DEF6: variants seen among roughly 807,000 people sequenced by gnomAD.
DEF6 encodes differentially expressed in FDCP 6 homolog.
DEF6 carries 32 observed loss-of-function variants against 80.5 expected under a neutral mutation model. The observed-to-expected ratio is 0.40, with a 90% CI of 0.30 to 0.53. The LOEUF is 0.53. Among genes scored for constraint, DEF6 ranks in the 20% least tolerant of loss-of-function variants. The probability of loss-of-function intolerance (pLI) is 0.57; values close to 1 mark genes in which losing one functional copy is unlikely to be tolerated. For synonymous variants in DEF6, 300 were observed against 337.9 expected (o/e 0.89, Z 1.23); for missense variants, 575 against 818.7 (o/e 0.70, Z 3.63).
At chr6:35,299,771 G>A (rs9469982) in intron 1 of DEF6, among the ~76,000 whole-genome samples, 102,604 of 151,800 alleles carry the variant, frequency 0.68, 37,842 homozygotes, top group Non-Finnish European at 0.82. Flanking sequence ...TGGGCTAACA[G>A]TGGGAGTCTC....
At chr6:35,302,093 G>A (rs1408249976) in intron 1 of DEF6, among the ~76,000 whole-genome samples, 1 of 152,006 alleles carries the variant, frequency 6.6e-6, no homozygotes, top group Non-Finnish European at 1.5e-5. Flanking sequence ...TGGGCAAGGT[G>A]GCTCACATCT....
At chr6:35,308,732 A>AAAAT (rs1791425565) in intron 1 of DEF6, among the ~76,000 whole-genome samples, 1 of 143,918 alleles carries the variant, frequency 6.9e-6, no homozygotes, top group African/African-American at 2.6e-5. Context: ...TAAAATAAAT[A>AAAAT]AAATAATAAA....
intron 5 of DEF6, 105 bp from the exon 6 acceptor site, chr6:35,317,786 G>A (rs1454088211): frequency 5.3e-6 from 5 of 950,210 alleles, no homozygotes; most frequent in Non-Finnish European, 7.7e-6. Context: ...GGTCCCCAGG[G>A]AAGATAGCCA....
intron 9 of DEF6, 69 bp downstream of exon 9, chr6:35,320,086 A>C: frequency 2.7e-6 from 4 of 1,476,680 alleles, no homozygotes; most frequent in Non-Finnish European, 3.7e-6. Flanking sequence ...CTCTGGAGCC[A>C]GGCTGCCTTC....
chr6:35,298,082 G>T, intron 1 of DEF6, 130 bp downstream of exon 1: 1 of 825,178 alleles, frequency 1.2e-6, no homozygotes, highest in Non-Finnish European at 1.9e-6. Flanking sequence ...GCCTGGGGTC[G>T]GGGGGCTGGT....
chr6:35,321,368 C>T lies in DEF6; in HGVS notation c.1854C>T (p.Ser618=), dbSNP rs1426015545. The T allele has an allele frequency of 3.1e-6, 5 of 1,613,992 alleles. No individual in the cohort carries two copies. In the African/African-American group the frequency reaches 5.3e-5, roughly 17 times the overall value. Residue 618 remains serine, a synonymous_variant, in exon 11 of 11, where the codon TCC becomes TCT. Coordinates refer to ENST00000316637, the MANE Select transcript of DEF6 (RefSeq NM_022047.4). ...GGGATGAGGCTCCTGCCCCGGCTTC[C>T]ACCCCTCAGGAAGATAAACTGGATC... ...NGGDEAPAPA[S]TPQEDKLDPA... is the part of the protein sequence containing the mutation.
At chr6:35,304,590 A>G (rs1417416486) in intron 1 of DEF6, among the ~76,000 whole-genome samples, 1 of 152,232 alleles carries the variant, frequency 6.6e-6, no homozygotes, top group Non-Finnish European at 1.5e-5. Flanking sequence ...GCCAGGTCAC[A>G]TGGGGCCTGG....
At chr6:35,315,295 A>T (rs1039449627) in intron 5 of DEF6, among the ~76,000 whole-genome samples, 2 of 151,974 alleles carry the variant, frequency 1.3e-5, no homozygotes, top group African/African-American at 4.8e-5. Context: ...GGCTCATGGG[A>T]TCCTCCTGCT....
At chr6:35,303,179 C>T (rs1168282187) in intron 1 of DEF6, among the ~76,000 whole-genome samples, 2 of 152,142 alleles carry the variant, frequency 1.3e-5, no homozygotes, top group Admixed American at 6.5e-5. Flanking sequence ...TCTGACAGCA[C>T]GCGGGGGTCA....
intron 1 of DEF6, among the ~76,000 whole-genome samples, chr6:35,303,133 G>T (rs1227578747): frequency 6.6e-6 from 1 of 152,130 alleles, no homozygotes; most frequent in African/African-American, 2.4e-5. Flanking sequence ...GAGAGGCCCT[G>T]AGTGTCTGGG....
Position 35,319,441 on chromosome 6 carries a change from A to C in DEF6, c.1216-83A>C, listed in dbSNP as rs1021346198. ...CCAGACCCTCACCCCTAGGCAGCTT[A>C]GCAACATGCCCACCCCCTCCTCCTC... On this transcript the variant is annotated intron_variant, in intron 7 of 10. Coordinates refer to ENST00000316637, the MANE Select transcript of DEF6 (RefSeq NM_022047.4). This position sits in a 1 kb window ranked among gnomAD's most constrained non-coding sequence, Gnocchi z 4.5. 2 of 1,044,644 alleles carry C rather than the reference A, an allele frequency of 1.9e-6. No homozygotes were observed. Among genetic ancestry groups the C allele is most frequent in the Non-Finnish European group, 2.8e-6 (2 of 708,982 alleles). The allele number at this position is 1,044,644 out of a possible 1,614,324, so 64.7% of individuals were successfully genotyped here.
chr6:35,308,672 C>CAAAATAAAATAAAAT (rs36231574), intron 1 of DEF6, among the ~76,000 whole-genome samples: 1,385 of 115,706 alleles, frequency 0.012, 8 homozygotes, highest in Non-Finnish European at 0.016. Flanking sequence ...GACTCCGTCT[C>CAAAATAAAATAAAAT]AAAATAAAAT....
chr6:35,315,838 T>G (rs1291604149), intron 5 of DEF6, among the ~76,000 whole-genome samples: 1 of 150,912 alleles, frequency 6.6e-6, no homozygotes, highest in East Asian at 1.9e-4. Context: ...CGGTTTTTTG[T>G]TGGAGTCCCT....
At chr6:35,302,893 T>C (rs1791333799) in intron 1 of DEF6, among the ~76,000 whole-genome samples, 1 of 152,106 alleles carries the variant, frequency 6.6e-6, no homozygotes, top group Non-Finnish European at 1.5e-5. Context: ...ACGCTTCCTC[T>C]CTCTGAGCCT....
At position 35,321,322 on chromosome 6, in the gene DEF6, A is replaced by G. The variant is rs1400386936; in HGVS notation, c.1808A>G (p.Gln603Arg). The G allele has an allele frequency of 6.2e-7, 1 of 1,614,114 alleles. No individual in the cohort carries two copies. The highest frequency in any genetic ancestry group is 1.7e-5 in the Admixed American group (1 of 60,018). The change falls in exon 11 of 11, where the codon CAG (glutamine) becomes CGG (arginine). Residue 603 changes from glutamine (Q) to arginine (R), a missense_variant. Gln to Arg is a conservative substitution (Grantham distance 43, BLOSUM62 1). Transcript: ENST00000316637. ...NRTPSPNSNE[Q>R]QKSLNGGDEA... ...ACCCCCTCGCCCAACAGCAATGAGC[A>G]GCAGAAGTCCCTCAATGGTGGGGAT...
chr6:35,299,934 G>A lies in DEF6; in HGVS notation c.96+1982G>A, dbSNP rs185196215. On this transcript the variant is annotated intron_variant, in intron 1 of 10. Coordinates refer to ENST00000316637, the MANE Select transcript of DEF6 (RefSeq NM_022047.4). Reference sequence around the variant, plus strand: ...GAGAAGTGGTCAAAAGGCAAAGGAGGAAGCAGACGAGAGAGTTATACAAGC... The same window carrying A: ...GAGAAGTGGTCAAAAGGCAAAGGAGAAAGCAGACGAGAGAGTTATACAAGC... Among the ~76,000 whole-genome samples the A allele has an allele frequency of 5.7e-3, 869 of 152,136 alleles. 12 individuals carry two copies. Among genetic ancestry groups the A allele is most frequent in the Non-Finnish European group, 4.5e-3 (306 of 67,994 alleles).
At chr6:35,310,376 A>G in intron 2 of DEF6, 83 bp from the exon 3 acceptor site, 1 of 1,497,190 alleles carries the variant, frequency 6.7e-7, no homozygotes, top group Non-Finnish European at 9.2e-7. Context: ...AGGGGCATAG[A>G]TGAACCCAAG....
chr6:35,319,581 C>T lies in DEF6; in HGVS notation c.1273C>T (p.Arg425Trp). The T allele has an allele frequency of 1.2e-6, 2 of 1,613,846 alleles. No individual in the cohort carries two copies. The highest frequency in any genetic ancestry group is 1.7e-6 in the Non-Finnish European group (2 of 1,179,896). ...GAAGGAGGAGGAGGCTGCCCGGCAG[C>T]GGCAGCGCATCAAGGAGCTGGAGGA... ...ELKEEEAARQ[R>W]QRIKELEEMQ... The change falls in exon 8 of 11, where the codon CGG (arginine) becomes TGG (tryptophan). Residue 425 changes from arginine to tryptophan, a missense_variant. Transcript: ENST00000316637. This position sits in a 1 kb window ranked among gnomAD's most constrained non-coding sequence, Gnocchi z 4.5.
intron 1 of DEF6, among the ~76,000 whole-genome samples, chr6:35,308,713 AAAATAAAATAAAAT>A (rs1271405752): frequency 3.1e-4 from 44 of 140,064 alleles, no homozygotes; most frequent in African/African-American, 5.9e-4. Context: ...AAAATAAAAT[AAAATAAAATAAAAT>A]AAATAAAATA....
Sources: allele counts gnomAD v4.1 joint callset (sites outside exome capture counted in the v4.1 genomes callset), GRCh38; gene constraint gnomAD v4.1.1; non-coding constraint Gnocchi (gnomAD v3.1); transcripts MANE v1.5; gene names NCBI Gene and HGNC (gene_info 2026-07-23, HGNC 2026-07-21).